Variants in FILIP1L observed in about 807,000 individuals in gnomAD.
FILIP1L encodes the protein filamin A-interacting protein 1-like.
FILIP1L carries 55 observed loss-of-function variants against 96.6 expected under a neutral mutation model. The ratio of observed to expected loss-of-function variants is 0.57; its 90% CI spans 0.46 to 0.71. FILIP1L has a LOEUF of 0.71. FILIP1L is among the 30% of genes least tolerant of loss of function. The pLI is 0.00. For missense variants in FILIP1L, 1,304 were observed against 1,321.2 expected, an observed-to-expected ratio of 0.99 and a Z score of 0.20; for synonymous variants, 467 against 473.9, an observed-to-expected ratio of 0.99 and a Z score of 0.19.
chr3:100,006,740 A>G (rs1471097151), intron 1 of FILIP1L, among the ~76,000 whole-genome samples: 1 of 152,162 alleles, frequency 6.6e-6, no homozygotes, highest in Non-Finnish European at 1.5e-5. Flanking sequence ...TTAGGAAATT[A>G]AAAGTAAGAG....
intron 1 of FILIP1L, among the ~76,000 whole-genome samples, chr3:99,940,403 C>T (rs763226822): frequency 6.6e-6 from 1 of 152,236 alleles, no homozygotes; most frequent in Non-Finnish European, 1.5e-5. Context: ...CTTAGAAATA[C>T]AGTGATAATG....
chr3:99,908,856 CA>C (rs926024597), intron 4 of FILIP1L, among the ~76,000 whole-genome samples: 14 of 151,192 alleles, frequency 9.3e-5, no homozygotes, highest in Middle Eastern at 3.4e-3. Flanking sequence ...CTACCATCTA[CA>C]AAAAAAAATT....
Position 99,942,005 on chromosome 3 carries a change from A to G in FILIP1L, c.-10-10975T>C, listed in dbSNP as rs1238445220. Reference sequence around the variant, plus strand: ...GTGATATTAAGAATTTACTGTTTTCAGGAGATCTAGACCATCCTGGCTAAC... The same window carrying G: ...GTGATATTAAGAATTTACTGTTTTCGGGAGATCTAGACCATCCTGGCTAAC... On this transcript the variant is annotated intron_variant, in intron 1 of 5. Coordinates refer to ENST00000477258, the MANE Select transcript of FILIP1L (RefSeq NM_001387850.1). Among the ~76,000 whole-genome samples, 3 of 152,218 alleles carry G rather than the reference A, an allele frequency of 2.0e-5. No homozygotes were observed. In the East Asian group the frequency reaches 5.8e-4, roughly 29 times the overall value.
At chr3:99,976,288 G>A (rs377138196) in intron 1 of FILIP1L, among the ~76,000 whole-genome samples, 3 of 152,292 alleles carry the variant, frequency 2.0e-5, no homozygotes, top group African/African-American at 7.2e-5. Context: ...TGGCCCATAT[G>A]CTACGCGTTC....
In FILIP1L at chr3:99,848,202, T is replaced by G. The variant is rs889750056; in HGVS notation, c.3381+93A>C. On this transcript the variant is annotated intron_variant, in intron 5 of 5. Coordinates refer to ENST00000477258, the MANE Select transcript of FILIP1L (RefSeq NM_001387850.1). ...CGAGTTCAGTCAGTCTTGGGGGATA[T>G]GGAGGGATGATTAAAAAAGGATTGA... The G allele has an allele frequency of 8.9e-6, 14 of 1,566,136 alleles. No individual in the cohort carries two copies. In the African/African-American group the frequency reaches 1.9e-4, roughly 21 times the overall value.
intron 4 of FILIP1L, among the ~76,000 whole-genome samples, chr3:99,910,520 G>GA (rs1706755525): frequency 7.3e-6 from 1 of 136,496 alleles, no homozygotes; most frequent in African/African-American, 2.5e-5. Flanking sequence ...AGGTGAAGTG[G>GA]CAGATGCATG....
chr3:99,851,049 T>C lies in FILIP1L; in HGVS notation c.627A>G (p.Gln209=). Residue 209 remains glutamine, a synonymous_variant, in exon 5 of 6, where the codon CAA becomes CAG. Transcript: ENST00000477258. ...ECERLKKLID[Q]EIKSQEEKEQ... is the part of the protein sequence containing the mutation. ...CCTTCTCCTCCTGAGACTTGATTTC[T>C]TGATCAATTAGCTTCTTTAATCTGA... is the stretch of plus-strand genomic sequence containing the variant. 3 of 1,593,044 alleles carry C rather than the reference T, an allele frequency of 1.9e-6. No homozygotes were observed. Among genetic ancestry groups the C allele is most frequent in the Non-Finnish European group, 2.6e-6 (3 of 1,173,994 alleles).
Position 99,983,389 on chromosome 3 carries a change from A to AATAAATATATATAT in FILIP1L, c.-10-52360_-10-52359insATATATATATTTAT, listed in dbSNP as rs1302972402. ...TCTCTACTTAAAAAATAAATAAATA[A>AATAAATATATATAT]ATATATATATATATATATATATATA... On this transcript the variant is annotated intron_variant, in intron 1 of 5. Transcript: ENST00000477258. Among the ~76,000 whole-genome samples, 64 of 40,748 alleles carry AATAAATATATATAT rather than the reference A, an allele frequency of 1.6e-3. 3 individuals are homozygous for AATAAATATATATAT. Among genetic ancestry groups the AATAAATATATATAT allele is most frequent in the African/African-American group, 6.2e-3 (60 of 9,754 alleles). 26.7% of individuals were successfully genotyped at this position (40,748 alleles called of 152,430 possible).
At chr3:100,099,649 A>C (rs1343663169) in intron 1 of FILIP1L, among the ~76,000 whole-genome samples, 1 of 152,226 alleles carries the variant, frequency 6.6e-6, no homozygotes, top group Non-Finnish European at 1.5e-5. Flanking sequence ...GATTATCTCT[A>C]GAAAACTATA....
intron 4 of FILIP1L, among the ~76,000 whole-genome samples, chr3:99,864,034 G>T (rs1357589808): frequency 1.3e-5 from 2 of 152,172 alleles, no homozygotes; most frequent in Admixed American, 1.3e-4. Context: ...TCATGCTAAA[G>T]AAATTAAACT....
rs185807598 is a variant in FILIP1L at position 100,046,045 on chromosome 3, A to G, written c.-11+68008T>C. 2.0e-5 allele frequency among the ~76,000 whole-genome samples: 3 copies of G among 152,304 alleles called. No individual in the cohort carries two copies. The East Asian group carries it at 5.8e-4, about 29-fold the overall frequency. ...TGCTTGCTTTGTTTGTTTATTTTTTAAGGAAAGGGTATGGAGAGGCAAGAG... is the reference window on the plus strand; with the variant it reads ...TGCTTGCTTTGTTTGTTTATTTTTTGAGGAAAGGGTATGGAGAGGCAAGAG... On this transcript the variant is annotated intron_variant, in intron 1 of 5. Coordinates refer to ENST00000477258, the MANE Select transcript of FILIP1L (RefSeq NM_001387850.1).
chr3:99,987,542 AAAAAG>A (rs1304660062), intron 1 of FILIP1L, among the ~76,000 whole-genome samples: 318 of 151,762 alleles, frequency 2.1e-3, no homozygotes, highest in African/African-American at 7.3e-3. Flanking sequence ...AAAAAAAAAA[AAAAAG>A]AAAGAAAGAA....
chr3:100,009,471 G>GTCAGGACTCTTACACC (rs1710081160), intron 1 of FILIP1L, among the ~76,000 whole-genome samples: 1 of 152,126 alleles, frequency 6.6e-6, no homozygotes, highest in Non-Finnish European at 1.5e-5. Flanking sequence ...GTGACTGTGG[G>GTCAGGACTCTTACACC]TCAGAGCTAA....
At chr3:99,976,813 G>T (rs568698283) in intron 1 of FILIP1L, among the ~76,000 whole-genome samples, 155 of 152,170 alleles carry the variant, frequency 1.0e-3, no homozygotes, top group African/African-American at 3.4e-3. Context: ...GAAGATGTTT[G>T]ACCATTATCT....
At chr3:99,872,745 C>T (rs1380319883) in intron 4 of FILIP1L, among the ~76,000 whole-genome samples, 1 of 152,108 alleles carries the variant, frequency 6.6e-6, no homozygotes, top group African/African-American at 2.4e-5. Context: ...CTGCTGCTGT[C>T]CTATCTTAAT....
intron 1 of FILIP1L, chr3:100,041,210 C>G (rs1240823259): frequency 7.2e-5 from 11 of 152,090 alleles, no homozygotes; most frequent in Admixed American, 7.2e-4. Context: ...TTCAAACAAG[C>G]TATGGAATCT....
At chr3:100,052,171 A>C (rs905032112) in intron 1 of FILIP1L, among the ~76,000 whole-genome samples, 1 of 152,204 alleles carries the variant, frequency 6.6e-6, no homozygotes, top group Non-Finnish European at 1.5e-5. Context: ...GCACACTTAT[A>C]ATAGGCAAAT....
chr3:99,912,185 A>G (rs753774200), intron 4 of FILIP1L, among the ~76,000 whole-genome samples: 41 of 152,246 alleles, frequency 2.7e-4, no homozygotes, highest in Admixed American at 2.0e-3. Context: ...GTATACTGAT[A>G]CATGTTACAA....
chr3:100,050,639 C>A, intron 1 of FILIP1L, among the ~76,000 whole-genome samples: 1 of 152,162 alleles, frequency 6.6e-6, no homozygotes. Flanking sequence ...TCAAGCGATT[C>A]TCCTGCCTCA....
Sources: allele counts gnomAD v4.1 joint callset (sites outside exome capture counted in the v4.1 genomes callset), GRCh38; gene constraint gnomAD v4.1.1; transcripts MANE v1.5; gene names NCBI Gene and HGNC (gene_info 2026-07-23, HGNC 2026-07-21).